Variants in FHIT observed in about 807,000 individuals in gnomAD.
FHIT encodes the protein fragile histidine triad diadenosine triphosphatase.
Under a neutral mutation model 17.9 loss-of-function variants are expected in FHIT, and 19 were observed. The ratio of observed to expected loss-of-function variants is 1.06; its 90% CI spans 0.74 to 1.56. The LOEUF is 1.56. FHIT is among the 40% of genes most tolerant of loss of function. The pLI is 0.00. For missense variants in FHIT, 248 were observed against 189.2 expected (o/e 1.31, Z -1.82); for synonymous variants, 81 against 69.7 (o/e 1.16, Z -0.81).
chr3:60,136,828 AT>A (rs912421464), intron 5 of FHIT, among the ~76,000 whole-genome samples: 1 of 151,802 alleles, frequency 6.6e-6, no homozygotes, highest in African/African-American at 2.4e-5. Context: ...ATCTTTTTCT[AT>A]TTTATACAAA....
chr3:60,661,133 T>A (rs1553691066), intron 4 of FHIT, among the ~76,000 whole-genome samples: 1 of 152,166 alleles, frequency 6.6e-6, no homozygotes, highest in Non-Finnish European at 1.5e-5. Context: ...CCATGGTTTC[T>A]GAGATTTTGG....
At chr3:60,165,308 T>C (rs960109327) in intron 5 of FHIT, among the ~76,000 whole-genome samples, 1 of 152,212 alleles carries the variant, frequency 6.6e-6, no homozygotes, top group African/African-American at 2.4e-5. Context: ...TCCATGTCTG[T>C]TATTTCCACC....
At chr3:60,916,254 T>C (rs1398252702) in intron 3 of FHIT, among the ~76,000 whole-genome samples, 6 of 152,212 alleles carry the variant, frequency 3.9e-5, no homozygotes, top group Non-Finnish European at 7.4e-5. Context: ...CCTGCATGAC[T>C]ATAGTTCTAA....
At chr3:60,270,539 G>A (rs938351256) in intron 5 of FHIT, among the ~76,000 whole-genome samples, 8 of 152,142 alleles carry the variant, frequency 5.3e-5, no homozygotes, top group African/African-American at 1.9e-4. Flanking sequence ...AAAAGCACTT[G>A]GACTATAAAT....
intron 5 of FHIT, among the ~76,000 whole-genome samples, chr3:60,073,390 T>C (rs1702866752): frequency 1.3e-5 from 2 of 152,254 alleles, no homozygotes; most frequent in South Asian, 4.1e-4. Flanking sequence ...GAGAAAAGGA[T>C]GACAGCTCTG....
intron 5 of FHIT, among the ~76,000 whole-genome samples, chr3:60,528,416 G>T (rs1444350036): frequency 6.6e-6 from 1 of 151,634 alleles, no homozygotes; most frequent in Admixed American, 6.6e-5. Context: ...TATACAAAAG[G>T]AAAAGAAAGG....
chr3:60,570,072 T>C (rs2037321491), intron 4 of FHIT, among the ~76,000 whole-genome samples: 1 of 152,092 alleles, frequency 6.6e-6, no homozygotes, highest in African/African-American at 2.4e-5. Flanking sequence ...AAATCAATTA[T>C]ATCACAGTCT....
rs1702788819 is a variant in FHIT at position 60,842,862 on chromosome 3, A to G, written c.-110-20851T>C. On this transcript the variant is annotated intron_variant, in intron 3 of 9. Transcript: ENST00000492590. ...TACTGTGCTATCCATCCCAGCTGGG[A>G]AGACATGGTTCTTTATAGAAGTACC... is the stretch of plus-strand genomic sequence containing the variant. Among the ~76,000 whole-genome samples, 5 of 151,950 alleles carry G rather than the reference A, an allele frequency of 3.3e-5. No individual in the cohort carries two copies. In the South Asian group the frequency reaches 1.0e-3, roughly 32 times the overall value.
At chr3:60,242,543 C>A (rs1313136639) in intron 5 of FHIT, among the ~76,000 whole-genome samples, 1 of 152,096 alleles carries the variant, frequency 6.6e-6, no homozygotes, top group Admixed American at 6.6e-5. Context: ...TCTGTAGCTT[C>A]AACACTTAGA....
At chr3:60,928,718 C>T (rs7633805) in intron 3 of FHIT, among the ~76,000 whole-genome samples, 91,511 of 151,814 alleles carry the variant, frequency 0.6, 27,897 homozygotes, top group East Asian at 0.73. Context: ...ATTGAGGCAA[C>T]AATTAATAGC....
intron 4 of FHIT, among the ~76,000 whole-genome samples, chr3:60,745,008 G>A (rs1043430407): frequency 6.6e-6 from 1 of 152,154 alleles, no homozygotes. Flanking sequence ...AGCTTTTAGG[G>A]AGGCAGAGGC....
rs527409268 is a variant in FHIT at position 60,136,540 on chromosome 3, G to A, written c.104-122388C>T. On this transcript the variant is annotated intron_variant, in intron 5 of 9. Transcript: ENST00000492590. ...CTGTCTCAAACCTGCCCACAACTCC[G>A]TTTCATGAGGGCTGAGCCACTATCC... Among the ~76,000 whole-genome samples, 7 of 152,170 alleles carry A rather than the reference G, an allele frequency of 4.6e-5. No individual in the cohort carries two copies. In the East Asian group the frequency reaches 7.7e-4, roughly 17 times the overall value.
intron 7 of FHIT, among the ~76,000 whole-genome samples, chr3:59,957,762 A>C (rs1450696798): frequency 6.6e-6 from 1 of 152,210 alleles, no homozygotes; most frequent in African/African-American, 2.4e-5. Flanking sequence ...GAGCCAGCAC[A>C]TACTACTCTA....
At chr3:60,113,692 A>T (rs1224221027) in intron 5 of FHIT, among the ~76,000 whole-genome samples, 1 of 151,568 alleles carries the variant, frequency 6.6e-6, no homozygotes, top group Non-Finnish European at 1.5e-5. Flanking sequence ...GTACACTTAA[A>T]CATGATCAAT....
At chr3:60,933,991 T>C (rs900906615) in intron 3 of FHIT, among the ~76,000 whole-genome samples, 2 of 152,194 alleles carry the variant, frequency 1.3e-5, no homozygotes, top group African/African-American at 4.8e-5. Context: ...GGGCATGGAA[T>C]GGGGCCAGAA....
Position 60,607,739 on chromosome 3 carries a change from A to G in FHIT, c.-17-70760T>C, listed in dbSNP as rs996319307. Among the ~76,000 whole-genome samples the G allele has an allele frequency of 2.6e-5, 4 of 152,162 alleles. No individual in the cohort carries two copies. In the East Asian group the frequency reaches 7.7e-4, roughly 29 times the overall value. On this transcript the variant is annotated intron_variant, in intron 4 of 9. Coordinates refer to ENST00000492590, the MANE Select transcript of FHIT (RefSeq NM_002012.4). The stretch of plus-strand genomic sequence containing the variant: ...CATTTTGTACTAATTTCACTAATTT[A>G]GGAAAACTTTTGTCTGCAATACATA...
chr3:60,188,351 G>A (rs924899380), intron 5 of FHIT, among the ~76,000 whole-genome samples: 10 of 151,344 alleles, frequency 6.6e-5, no homozygotes, highest in Admixed American at 3.3e-4. Flanking sequence ...AGATCACACC[G>A]TAGATGCTGA....
intron 2 of FHIT, among the ~76,000 whole-genome samples, chr3:61,067,443 C>T (rs1244042361): frequency 1.3e-5 from 2 of 152,116 alleles, no homozygotes; most frequent in Non-Finnish European, 2.9e-5. Flanking sequence ...TCTTAATTGT[C>T]CCAGCAACTA....
intron 5 of FHIT, among the ~76,000 whole-genome samples, chr3:60,118,728 T>A (rs1705096445): frequency 1.2e-5 from 1 of 83,058 alleles, no homozygotes; most frequent in Admixed American, 1.4e-4. Context: ...AACTTCAGGG[T>A]CCGGGCCTGT....
Sources: gnomAD v4.1 joint callset for allele counts (sites outside exome capture counted in the v4.1 genomes callset) on GRCh38, gnomAD v4.1.1 for gene constraint, MANE v1.5 for transcripts, NCBI Gene and HGNC (gene_info 2026-07-23, HGNC 2026-07-21) for gene names.